The following PCNT variants were observed in gnomAD, a reference collection of about 807,000 sequenced individuals.
The protein encoded by PCNT is pericentrin.
In PCNT, 319 loss-of-function variants were observed where a neutral mutation model predicts 380.4. The observed-to-expected ratio is 0.84, with a 90% confidence interval of 0.77 to 0.92. PCNT has a LOEUF of 0.92. PCNT is among the 40% of genes least tolerant of loss of function. The pLI is 0.00. For synonymous variants in PCNT, 1,845 were observed against 1,735.2 expected (o/e 1.06, Z -1.57); for missense variants, 4,400 against 4,255.3 (o/e 1.03, Z -0.95).
chr21:46,334,757 A>G lies in PCNT; in HGVS notation c.628A>G (p.Met210Val). 1 of 1,614,266 alleles carries G rather than the reference A, an allele frequency of 6.2e-7. No homozygotes were observed. Among genetic ancestry groups the G allele is most frequent in the Non-Finnish European group, 8.5e-7 (1 of 1,180,046 alleles). Residue 210 changes from methionine to valine, a missense_variant, in exon 3 of 47, where the codon ATG (methionine) becomes GTG (valine). Physicochemically the swap from Met to Val is conservative, Grantham distance 21. Transcript: ENST00000359568. ...TGACCACCCAGCAGAACAGCGTGGG[A>G]TGTTCACAAAGGTATTCTTTAAGTT... ...ISDHPAEQRG[M>V]FTKECEQECE...
chr21:46,374,343 C>T (rs111962205), intron 15 of PCNT, among the ~76,000 whole-genome samples: 18 of 152,282 alleles, frequency 1.2e-4, no homozygotes, highest in Middle Eastern at 3.4e-3. Flanking sequence ...CCACAGCGAT[C>T]CCTGCATTTC....
intron 12 of PCNT, among the ~76,000 whole-genome samples, chr21:46,356,211 C>T (rs1251796900): frequency 6.6e-6 from 1 of 152,134 alleles, no homozygotes; most frequent in Non-Finnish European, 1.5e-5. Context: ...GTGGGGCTGC[C>T]GTCCATGGTG....
At chr21:46,408,224 C>A (rs1445186079) in intron 27 of PCNT, among the ~76,000 whole-genome samples, 1 of 152,192 alleles carries the variant, frequency 6.6e-6, no homozygotes, top group Non-Finnish European at 1.5e-5. Flanking sequence ...TTGATGCATG[C>A]TGTCGCCTGT....
At chr21:46,400,073 TA>T (rs544498905) in intron 25 of PCNT, among the ~76,000 whole-genome samples, 50 of 152,042 alleles carry the variant, frequency 3.3e-4, no homozygotes, top group Non-Finnish European at 6.3e-4. Context: ...TAATATTTCA[TA>T]AAGTAAACAT....
At chr21:46,352,309 T>C (rs2084302434) in intron 9 of PCNT, among the ~76,000 whole-genome samples, 1 of 152,240 alleles carries the variant, frequency 6.6e-6, no homozygotes, top group Non-Finnish European at 1.5e-5. Context: ...CTCCCAGCCC[T>C]GCGCCCTGCC....
At position 46,365,336 on chromosome 21, in the gene PCNT, CAT is replaced by C. The variant is rs1569204232; in HGVS notation, c.2610-1247_2610-1246del. ...ACTGCCATGGGGTTCTATTCACTGCCATGGGGTTCTATTCACTGCCGTGGGGT... is the reference window on the plus strand; with the variant it reads ...ACTGCCATGGGGTTCTATTCACTGCCGGGGTTCTATTCACTGCCGTGGGGT... On this transcript the variant is annotated intron_variant, in intron 14 of 46. Coordinates refer to ENST00000359568, the MANE Select transcript of PCNT (RefSeq NM_006031.6). Among the ~76,000 whole-genome samples the C allele has an allele frequency of 5.4e-4, 52 of 96,992 alleles. 1 individual carries two copies. Among genetic ancestry groups the C allele is most frequent in the African/African-American group, 6.5e-4 (20 of 30,700 alleles). The allele number at this position is 96,992 out of a possible 152,430, so 63.6% of individuals were successfully genotyped here. A position where few individuals can be genotyped will look rare whatever the true frequency, so the allele number is the denominator to read the frequency against.
Position 46,353,995 on chromosome 21 carries a change from G to C in PCNT, c.1688G>C (p.Cys563Ser). The C allele has an allele frequency of 6.2e-7, 1 of 1,613,748 alleles. No homozygotes were observed. Among genetic ancestry groups the C allele is most frequent in the South Asian group, 1.1e-5 (1 of 91,076 alleles). Residue 563 changes from cysteine to serine, a missense_variant, in exon 11 of 47, where the codon TGT becomes TCT. Physicochemically the swap from Cys to Ser is moderately radical, Grantham distance 112. Transcript: ENST00000359568. ...AAATGTTTTCCCTTCAGGTTGTCCT[G>C]TGTGGGTTTAGAAGAGAAACCTGAG... Reference protein sequence around the residue: ...LLDSVEVGLSCVGLEEKPEKG... With the variant: ...LLDSVEVGLSSVGLEEKPEKG...
chr21:46,373,225 CA>C, intron 15 of PCNT, among the ~76,000 whole-genome samples: 1 of 152,060 alleles, frequency 6.6e-6, no homozygotes, highest in Admixed American at 6.5e-5. Context: ...CTGTGTTGCC[CA>C]GGCTGGTCTT....
chr21:46,360,709 G>A (rs1392972455), intron 13 of PCNT, among the ~76,000 whole-genome samples: 4 of 151,008 alleles, frequency 2.6e-5, no homozygotes, highest in South Asian at 4.2e-4. Context: ...TAGTAGAGAC[G>A]GGGTTTCACC....
At chr21:46,349,464 C>T (rs147902434) in intron 7 of PCNT, among the ~76,000 whole-genome samples, 1 of 152,312 alleles carries the variant, frequency 6.6e-6, no homozygotes, top group East Asian at 1.9e-4. Flanking sequence ...ACTTTTCATA[C>T]TCCAGGGTTG....
In PCNT at chr21:46,397,939, G is replaced by A. The variant is rs746403549; in HGVS notation, c.4447-75G>A. The A allele has an allele frequency of 1.8e-5, 21 of 1,135,134 alleles. 1 individual carries two copies. The African/African-American group carries it at 2.1e-4, about 12-fold the overall frequency. 70.3% of individuals were successfully genotyped at this position (1,135,134 alleles called of 1,614,324 possible). A position where few individuals can be genotyped will look rare whatever the true frequency, so the allele number is the denominator to read the frequency against. ...AGTTGCACTTGTACGTGCAGTGGAA[G>A]CCTGGGTGGACCTTCGCTGCAAGGG... On this transcript the variant is annotated intron_variant, in intron 22 of 46. Transcript: ENST00000359568.
intron 25 of PCNT, among the ~76,000 whole-genome samples, chr21:46,400,611 C>T (rs534991511): frequency 3.6e-5 from 5 of 137,984 alleles, no homozygotes; most frequent in South Asian, 2.5e-4. Flanking sequence ...CTCCTCCTCC[C>T]GGGTTCAAGC....
chr21:46,391,320 C>T lies in PCNT; in HGVS notation c.4160C>T (p.Thr1387Ile), dbSNP rs1386158580. 2.6e-6 allele frequency: 4 copies of T among 1,563,230 alleles called. No individual in the cohort carries two copies. The highest frequency in any genetic ancestry group is 2.4e-5 in the South Asian group (2 of 85,092). The change falls in exon 21 of 47, where the codon ACC becomes ATC. Residue 1387 changes from threonine to isoleucine, a missense_variant. Transcript: ENST00000359568. The stretch of plus-strand genomic sequence containing the variant: ...CAGGCGGCGCTGAGGGAGGAGTGCA[C>T]CCGTCTGTGGAGTCGGGGGGAGGCC... ...QEQAALREECTRLWSRGEATA... is the reference protein window; with the variant it reads ...QEQAALREECIRLWSRGEATA...
chr21:46,399,653 A>C lies in PCNT; in HGVS notation c.4648A>C (p.Lys1550Gln), dbSNP rs988010615. 1 of 1,614,020 alleles carries C rather than the reference A, an allele frequency of 6.2e-7. No homozygotes were observed. The highest frequency in any genetic ancestry group is 8.5e-7 in the Non-Finnish European group (1 of 1,179,850). Residue 1550 changes from lysine to glutamine, a missense_variant, in exon 25 of 47, where the codon AAA becomes CAA. By Grantham distance (53) the Lys-to-Gln change is moderately conservative. Transcript: ENST00000359568. ...LDEFNELAIQ[K>Q]ESADRQVLMQ... ...TGAATTTAATGAATTGGCTATACAG[A>C]AAGAGTCGGCAGATAGACAAGTGTT...
At chr21:46,325,033 G>A in intron 1 of PCNT, 1 of 985,434 alleles carries the variant, frequency 1.0e-6, no homozygotes, top group Non-Finnish European at 1.2e-6. Context: ...GCGCCTTCAA[G>A]GGACGCGCTC....
intron 15 of PCNT, among the ~76,000 whole-genome samples, chr21:46,368,725 G>A (rs983994622): frequency 6.6e-6 from 1 of 152,250 alleles, no homozygotes; most frequent in African/African-American, 2.4e-5. Flanking sequence ...CCTGCAGGAA[G>A]GGGATGCATA....
At chr21:46,335,143 G>C (rs1295650726) in intron 3 of PCNT, among the ~76,000 whole-genome samples, 4 of 152,100 alleles carry the variant, frequency 2.6e-5, no homozygotes, top group African/African-American at 9.7e-5. Flanking sequence ...TCACCTGTCT[G>C]TTCAGCCTGT....
chr21:46,353,745 TGTGTGTGA>T (rs757773072), intron 10 of PCNT, among the ~76,000 whole-genome samples: 261 of 125,628 alleles, frequency 2.1e-3, no homozygotes, highest in Non-Finnish European at 2.7e-3. Flanking sequence ...TGTGTGTGTG[TGTGTGTGA>T]GAGAGACAGA....
rs745488747 is a variant in PCNT at position 46,428,483 on chromosome 21, T to C, written c.7583T>C (p.Leu2528Pro). The C allele has an allele frequency of 3.7e-6, 6 of 1,612,350 alleles. No homozygotes were observed. The highest frequency in any genetic ancestry group is 4.2e-6 in the Non-Finnish European group (5 of 1,179,812). The change falls in exon 35 of 47, where the codon CTG (leucine) becomes CCG (proline). Residue 2528 changes from leucine (L) to proline (P), a missense_variant. Physicochemically the swap from Leu to Pro is moderately conservative, Grantham distance 98. Transcript: ENST00000359568. Reference protein sequence around the residue: ...LSEIQALRAQLRMTHLQNQEK... With the variant: ...LSEIQALRAQPRMTHLQNQEK... ...GAGATCCAGGCGCTGCGTGCCCAGCTGCGCATGACGCACCTGCAGAACCAG... is the reference window on the plus strand; with the variant it reads ...GAGATCCAGGCGCTGCGTGCCCAGCCGCGCATGACGCACCTGCAGAACCAG...
Sources: allele counts gnomAD v4.1 joint callset (sites outside exome capture counted in the v4.1 genomes callset), GRCh38; gene constraint gnomAD v4.1.1; transcripts MANE v1.5; gene names NCBI Gene and HGNC (gene_info 2026-07-23, HGNC 2026-07-21).